Variants in ITPR2 observed in about 807,000 individuals in gnomAD.
ITPR2 encodes inositol 1,4,5-trisphosphate receptor type 2.
ITPR2 carries 207 observed loss-of-function variants against 317.1 expected under a neutral mutation model. That is an observed-to-expected ratio of 0.65 (90% CI 0.58 to 0.73). The LOEUF (loss-of-function observed/expected upper bound fraction) is 0.73, where lower values mean the gene tolerates loss of function less well. Ranked by LOEUF, ITPR2 falls within the 30% of genes least tolerant of loss-of-function variation. The pLI is 0.00. For missense variants in ITPR2, 2,613 were observed against 3,284.0 expected, an observed-to-expected ratio of 0.80 and a Z score of 4.99; for synonymous variants, 1,156 against 1,149.1, an observed-to-expected ratio of 1.01 and a Z score of -0.12.
intron 1 of ITPR2, among the ~76,000 whole-genome samples, chr12:26,804,231 A>C (rs1950605098): frequency 6.6e-6 from 1 of 152,030 alleles, no homozygotes; most frequent in Non-Finnish European, 1.5e-5. Context: ...TGGGTTTTAG[A>C]AAAAAAATAC....
intron 4 of ITPR2, 76 bp downstream of exon 4, chr12:26,724,580 C>A: frequency 3.6e-6 from 3 of 831,342 alleles, no homozygotes; most frequent in Non-Finnish European, 6.0e-6. Context: ...AAAATTTTAA[C>A]GCAGTTTGGC....
At chr12:26,339,582 ACTGT>A (rs1938035939) in intron 56 of ITPR2, 99 bp from the exon 57 acceptor site, 1 of 798,630 alleles carries the variant, frequency 1.3e-6, no homozygotes, top group Non-Finnish European at 2.2e-6. Context: ...CCAACTACCT[ACTGT>A]CCAGCATCAT....
intron 37 of ITPR2, among the ~76,000 whole-genome samples, chr12:26,508,418 G>A (rs189357768): frequency 3.6e-4 from 55 of 152,172 alleles, no homozygotes; most frequent in South Asian, 2.3e-3. Context: ...CTTTGCAATC[G>A]AACAGTTATT....
rs115190037 is a variant in ITPR2, at chr12:26,646,220, G to T, written c.2740+7756C>A. 2.9e-3 allele frequency among the ~76,000 whole-genome samples: 437 copies of T among 151,872 alleles called. 2 individuals carry two copies. The highest frequency in any genetic ancestry group is 0.01 in the African/African-American group (419 of 41,480). On this transcript the variant is annotated intron_variant, in intron 21 of 56. Coordinates refer to ENST00000381340, the MANE Select transcript of ITPR2 (RefSeq NM_002223.4). ...GTTTTGAACTAAAAGAGATTGCAAAGATCATATTTAGACTAACCTCGTAGT... is the reference window on the plus strand; with the variant it reads ...GTTTTGAACTAAAAGAGATTGCAAATATCATATTTAGACTAACCTCGTAGT...
intron 23 of ITPR2, among the ~76,000 whole-genome samples, chr12:26,626,448 CCT>C (rs938798597): frequency 5.9e-5 from 9 of 152,126 alleles, no homozygotes; most frequent in Admixed American, 6.5e-5. Flanking sequence ...CTAGACTTTC[CCT>C]CTGGTACTTT....
At chr12:26,564,109 G>A (rs1944887843) in intron 34 of ITPR2, among the ~76,000 whole-genome samples, 1 of 152,130 alleles carries the variant, frequency 6.6e-6, no homozygotes, top group Non-Finnish European at 1.5e-5. Context: ...ATAAACATGT[G>A]AAAAATTGGC....
At chr12:26,753,080 T>C (rs1949454624) in intron 2 of ITPR2, among the ~76,000 whole-genome samples, 1 of 152,050 alleles carries the variant, frequency 6.6e-6, no homozygotes, top group African/African-American at 2.4e-5. Context: ...GGGTAACGAA[T>C]GGGATTGGGT....
intron 2 of ITPR2, among the ~76,000 whole-genome samples, chr12:26,758,686 C>T (rs1949574099): frequency 6.6e-6 from 1 of 152,158 alleles, no homozygotes; most frequent in African/African-American, 2.4e-5. Flanking sequence ...TAATAAGTGT[C>T]CATCTCCAGC....
chr12:26,726,781 G>C (rs1343913300), intron 2 of ITPR2, among the ~76,000 whole-genome samples: 1 of 152,060 alleles, frequency 6.6e-6, no homozygotes, highest in Non-Finnish European at 1.5e-5. Context: ...TATTTAAAAA[G>C]ATGATACCTT....
At chr12:26,645,338 A>G (rs1191522282) in intron 21 of ITPR2, among the ~76,000 whole-genome samples, 2 of 152,212 alleles carry the variant, frequency 1.3e-5, no homozygotes, top group Admixed American at 1.3e-4. Context: ...AAGGAAACCT[A>G]CCACTGTGGA....
intron 1 of ITPR2, among the ~76,000 whole-genome samples, chr12:26,815,078 C>A (rs1191226732): frequency 6.6e-6 from 1 of 152,178 alleles, no homozygotes; most frequent in Non-Finnish European, 1.5e-5. Context: ...GTAGCTCATG[C>A]CTGTAATCCC....
At chr12:26,599,865 G>C (rs1945951903) in intron 29 of ITPR2, 122 bp downstream of exon 29, 1 of 715,424 alleles carries the variant, frequency 1.4e-6, no homozygotes, top group Admixed American at 2.6e-5. Context: ...TCTGGAGAGA[G>C]AATTTCCACA....
At chr12:26,703,536 T>G (rs1470330938) in intron 9 of ITPR2, among the ~76,000 whole-genome samples, 1 of 152,196 alleles carries the variant, frequency 6.6e-6, no homozygotes, top group African/African-American at 2.4e-5. Context: ...TTTAGCTACA[T>G]CCCATTCCCT....
chr12:26,795,159 C>T (rs1335772326), intron 1 of ITPR2, among the ~76,000 whole-genome samples: 2 of 152,178 alleles, frequency 1.3e-5, no homozygotes, highest in Non-Finnish European at 2.9e-5. Context: ...AGAAACTCAA[C>T]ACCAAAACAC....
intron 2 of ITPR2, among the ~76,000 whole-genome samples, chr12:26,769,026 C>CACACACACACA (rs201911951): frequency 1.4e-4 from 21 of 149,836 alleles, no homozygotes; most frequent in Non-Finnish European, 2.1e-4. Context: ...CACACACACA[C>CACACACACACA]CCCAATCTCA....
chr12:26,411,378 G>C lies in ITPR2; in HGVS notation c.7341C>G (p.Thr2447=). 1.9e-6 allele frequency: 3 copies of C among 1,613,464 alleles called. No homozygotes were observed. The highest frequency in any genetic ancestry group is 1.7e-6 in the Non-Finnish European group (2 of 1,179,636). ...SHQVPTMTLT[T]MMEACAKENC... Reference sequence around the variant, plus strand: ...TCTCCTTGGCACATGCTTCCATCATGGTAGTTAAAGTCATAGTAGGCACTT... The same window carrying C: ...TCTCCTTGGCACATGCTTCCATCATCGTAGTTAAAGTCATAGTAGGCACTT... Residue 2447 remains threonine, a synonymous_variant, in exon 52 of 57, where the codon ACC becomes ACG. Coordinates refer to ENST00000381340, the MANE Select transcript of ITPR2 (RefSeq NM_002223.4).
At chr12:26,462,804 T>C (rs1942070367) in intron 45 of ITPR2, among the ~76,000 whole-genome samples, 1 of 151,844 alleles carries the variant, frequency 6.6e-6, no homozygotes, top group Admixed American at 6.6e-5. Context: ...CCTGAGTAGC[T>C]GGGATTACAG....
chr12:26,471,548 A>G (rs1942291485), intron 45 of ITPR2, among the ~76,000 whole-genome samples: 1 of 152,218 alleles, frequency 6.6e-6, no homozygotes, highest in Non-Finnish European at 1.5e-5. Context: ...TATGTAGATC[A>G]GACAAGACAC....
At chr12:26,808,274 G>C (rs190688463) in intron 1 of ITPR2, among the ~76,000 whole-genome samples, 78 of 152,260 alleles carry the variant, frequency 5.1e-4, no homozygotes, top group African/African-American at 1.7e-3. Context: ...TCCCAGCAAT[G>C]CAAACCATCC....
Sources: allele counts gnomAD v4.1 joint callset (sites outside exome capture counted in the v4.1 genomes callset), GRCh38; gene constraint gnomAD v4.1.1; transcripts MANE v1.5; gene names NCBI Gene and HGNC (gene_info 2026-07-23, HGNC 2026-07-21).